ATP8B4: variants seen among roughly 807,000 people sequenced by gnomAD.
The protein encoded by ATP8B4 is probable phospholipid-transporting ATPase IM.
Under a neutral mutation model 145.6 loss-of-function variants are expected in ATP8B4, and 133 were observed. That is an observed-to-expected ratio of 0.91 (90% CI 0.79 to 1.05). The LOEUF is 1.05. Among genes scored for constraint, ATP8B4 ranks in the 50% least tolerant of loss-of-function variants. ATP8B4 has a pLI of 0.00. For missense variants in ATP8B4, 1,458 were observed against 1,425.2 expected (o/e 1.02, Z -0.37); for synonymous variants, 507 against 492.9 (o/e 1.03, Z -0.38).
intron 2 of ATP8B4, among the ~76,000 whole-genome samples, chr15:50,086,633 T>C (rs1260987028): frequency 1.7e-5 from 2 of 117,204 alleles, no homozygotes. Flanking sequence ...AATAGAGATC[T>C]ATATTTATTA....
At chr15:50,012,941 A>T (rs941725329) in intron 6 of ATP8B4, among the ~76,000 whole-genome samples, 1 of 152,210 alleles carries the variant, frequency 6.6e-6, no homozygotes, top group African/African-American at 2.4e-5. Flanking sequence ...TCAGAGATAC[A>T]TCTAATGAGC....
intron 23 of ATP8B4, chr15:49,880,052 G>A (rs1036527873): frequency 6.6e-6 from 1 of 152,274 alleles, no homozygotes; most frequent in Admixed American, 6.5e-5. Context: ...AATGAGGCAT[G>A]TGAAGCAGGC....
rs74012886 is a variant in ATP8B4 at position 50,099,047 on chromosome 15, G to A, written c.28+7892C>T. ...GCCCACAGAAGACATACACAGCCCC[G>A]GTCTGATTCATCCTACCCTACACCC... On this transcript the variant is annotated intron_variant, in intron 2 of 27. Transcript: ENST00000284509. Among the ~76,000 whole-genome samples the A allele has an allele frequency of 3.8e-3, 577 of 152,108 alleles. 2 individuals are homozygous for A. The highest frequency in any genetic ancestry group is 0.013 in the African/African-American group (558 of 41,464).
chr15:49,872,242 A>G lies in ATP8B4; in HGVS notation c.3027+4036T>C, dbSNP rs8026648. 1.5e-3 allele frequency among the ~76,000 whole-genome samples: 223 copies of G among 152,300 alleles called. 1 individual carries two copies. Among genetic ancestry groups the G allele is most frequent in the African/African-American group, 5.3e-3 (221 of 41,568 alleles). On this transcript the variant is annotated intron_variant, in intron 25 of 27. Transcript: ENST00000284509. ...GTTGGATCTTAGTGCTAAACCTGCAATGTTGTCACTGTGTGATCTTGGGCA... is the reference window on the plus strand; with the variant it reads ...GTTGGATCTTAGTGCTAAACCTGCAGTGTTGTCACTGTGTGATCTTGGGCA...
intron 2 of ATP8B4, among the ~76,000 whole-genome samples, chr15:50,087,564 T>C (rs2153652681): frequency 6.6e-6 from 1 of 151,650 alleles, no homozygotes; most frequent in Non-Finnish European, 1.5e-5. Flanking sequence ...TATTTTTCTT[T>C]TTTCATGGGG....
chr15:49,884,496 A>G (rs369214481), intron 23 of ATP8B4, among the ~76,000 whole-genome samples: 243 of 150,874 alleles, frequency 1.6e-3, no homozygotes, highest in African/African-American at 5.7e-3. Context: ...CAGCTACTTG[A>G]GAGGCTGAGG....
At chr15:49,970,718 T>C (rs1208616362) in intron 13 of ATP8B4, among the ~76,000 whole-genome samples, 3 of 152,200 alleles carry the variant, frequency 2.0e-5, no homozygotes, top group Admixed American at 6.5e-5. Context: ...ATAGATTCAG[T>C]GCTATCCCCA....
At chr15:49,874,891 G>A (rs984646024) in intron 25 of ATP8B4, among the ~76,000 whole-genome samples, 11 of 151,830 alleles carry the variant, frequency 7.2e-5, no homozygotes, top group African/African-American at 2.7e-4. Flanking sequence ...TGTTTTATGA[G>A]AAAAACAGCT....
chr15:50,155,020 T>C (rs946980687), intron 1 of ATP8B4, among the ~76,000 whole-genome samples: 1 of 152,160 alleles, frequency 6.6e-6, no homozygotes, highest in Non-Finnish European at 1.5e-5. Flanking sequence ...TATATTTATC[T>C]TGTTTACATT....
chr15:49,972,847 A>G (rs1441585327), intron 12 of ATP8B4, 57 bp from the exon 13 acceptor site: 2 of 1,552,292 alleles, frequency 1.3e-6, no homozygotes, highest in East Asian at 2.3e-5. Flanking sequence ...TTCAGAACAT[A>G]CAATATTTTG....
chr15:50,082,732 T>C (rs1026310319), intron 2 of ATP8B4, among the ~76,000 whole-genome samples: 1 of 152,226 alleles, frequency 6.6e-6, no homozygotes, highest in South Asian at 2.1e-4. Context: ...TTAAGACTTA[T>C]TATGATAATG....
At chr15:50,139,847 G>C (rs1229822540) in intron 1 of ATP8B4, among the ~76,000 whole-genome samples, 1 of 152,160 alleles carries the variant, frequency 6.6e-6, no homozygotes, top group Non-Finnish European at 1.5e-5. Flanking sequence ...TTTCTCTTGA[G>C]TCCAACTGCA....
At chr15:49,914,100 A>C (rs2039501596) in intron 20 of ATP8B4, among the ~76,000 whole-genome samples, 1 of 152,194 alleles carries the variant, frequency 6.6e-6, no homozygotes, top group Non-Finnish European at 1.5e-5. Context: ...AAAGTAACCA[A>C]AACAGCATGG....
intron 2 of ATP8B4, among the ~76,000 whole-genome samples, chr15:50,094,009 G>A (rs910507740): frequency 5.9e-5 from 9 of 152,064 alleles, no homozygotes; most frequent in Non-Finnish European, 1.0e-4. Context: ...AAACCAAAAG[G>A]AGAAATACAC....
chr15:50,102,016 A>C (rs1167664879), intron 2 of ATP8B4, among the ~76,000 whole-genome samples: 2 of 152,212 alleles, frequency 1.3e-5, no homozygotes, highest in Admixed American at 6.5e-5. Context: ...TGAAATCAAG[A>C]TGGAAATTTA....
At chr15:49,922,455 A>C in intron 17 of ATP8B4, 1 of 429,156 alleles carries the variant, frequency 2.3e-6, no homozygotes, top group East Asian at 7.2e-5. Context: ...GACAAAAAAC[A>C]ATAGCTATGT....
chr15:49,942,987 AT>A (rs1006174851), intron 14 of ATP8B4, among the ~76,000 whole-genome samples: 21 of 152,200 alleles, frequency 1.4e-4, no homozygotes, highest in East Asian at 5.8e-4. Flanking sequence ...AATTAACAAA[AT>A]TTTTTTTTTA....
rs560132333 is a variant in ATP8B4 at position 50,108,914 on chromosome 15, T to C, written c.-42-1906A>G. Reference sequence around the variant, plus strand: ...CACGTAGTAATGCTCAGTAAACACTTGTTGAATGAAAAATTAATTTATATT... The same window carrying C: ...CACGTAGTAATGCTCAGTAAACACTCGTTGAATGAAAAATTAATTTATATT... On this transcript the variant is annotated intron_variant, in intron 1 of 27. Coordinates refer to ENST00000284509, the MANE Select transcript of ATP8B4 (RefSeq NM_024837.4). 1.1e-4 allele frequency among the ~76,000 whole-genome samples: 17 copies of C among 152,302 alleles called. No individual in the cohort carries two copies. In the East Asian group the frequency reaches 3.3e-3, roughly 29 times the overall value.
At chr15:49,995,380 T>A (rs1020006139) in intron 9 of ATP8B4, among the ~76,000 whole-genome samples, 2 of 152,196 alleles carry the variant, frequency 1.3e-5, no homozygotes, top group South Asian at 2.1e-4. Flanking sequence ...TGGATTCACA[T>A]AACAGTAAAA....
Sources: gnomAD v4.1 joint callset for allele counts (sites outside exome capture counted in the v4.1 genomes callset) on GRCh38, gnomAD v4.1.1 for gene constraint, MANE v1.5 for transcripts, NCBI Gene and HGNC (gene_info 2026-07-23, HGNC 2026-07-21) for gene names.